AKAP9: variants seen among roughly 807,000 people sequenced by gnomAD.
The protein encoded by AKAP9 is A-kinase anchoring protein 9.
A neutral mutation model predicts 488.5 loss-of-function variants in AKAP9; 311 were observed. The ratio of observed to expected loss-of-function variants is 0.64; its 90% CI spans 0.58 to 0.70. AKAP9 has a LOEUF of 0.70. AKAP9 is among the 30% of genes least tolerant of loss of function. The pLI is 0.00. For synonymous variants in AKAP9, 1,462 were observed against 1,483.5 expected (o/e 0.99, Z 0.33); for missense variants, 4,215 against 4,374.5 (o/e 0.96, Z 1.03).
chr7:92,098,629 T>C (rs1214634255), intron 43 of AKAP9, among the ~76,000 whole-genome samples: 1 of 152,214 alleles, frequency 6.6e-6, no homozygotes, highest in African/African-American at 2.4e-5. Context: ...TAAAACCCTC[T>C]CTTTCCTTGC....
At chr7:91,991,608 A>G (rs1183607455) in intron 3 of AKAP9, among the ~76,000 whole-genome samples, 1 of 151,676 alleles carries the variant, frequency 6.6e-6, no homozygotes. Flanking sequence ...AGTAGCTGGG[A>G]CTACAGGCAC....
At chr7:91,947,879 A>G (rs1791664798) in intron 1 of AKAP9, among the ~76,000 whole-genome samples, 2 of 152,344 alleles carry the variant, frequency 1.3e-5, no homozygotes, top group Middle Eastern at 3.4e-3. Flanking sequence ...ATCTTATGCA[A>G]CTACTGCTTC....
At chr7:92,010,296 T>G (rs1261554110) in intron 8 of AKAP9, among the ~76,000 whole-genome samples, 1 of 152,234 alleles carries the variant, frequency 6.6e-6, no homozygotes, top group African/African-American at 2.4e-5. Flanking sequence ...TCTAAAGAGC[T>G]TGTTTACTCA....
At chr7:91,950,298 C>T (rs543102756) in intron 1 of AKAP9, among the ~76,000 whole-genome samples, 4 of 147,602 alleles carry the variant, frequency 2.7e-5, no homozygotes, top group African/African-American at 7.5e-5. Context: ...GGCACTATCT[C>T]GGCTCAGTGC....
At chr7:92,033,442 C>CTTTTTTTTTTTT (rs35497475) in intron 16 of AKAP9, among the ~76,000 whole-genome samples, 8 of 107,374 alleles carry the variant, frequency 7.5e-5, no homozygotes, top group African/African-American at 1.1e-4. Flanking sequence ...CTTTTCTTTT[C>CTTTTTTTTTTTT]TTTTTTTTTT....
chr7:92,072,099 C>G (rs1431038423), intron 28 of AKAP9, among the ~76,000 whole-genome samples: 1 of 152,116 alleles, frequency 6.6e-6, no homozygotes, highest in East Asian at 1.9e-4. Context: ...AAAGACAGAC[C>G]TTCTCAACTG....
At position 92,026,093 on chromosome 7, in the gene AKAP9, A is replaced by G. The variant is rs376683244; in HGVS notation, c.4148+3084A>G. 2.6e-5 allele frequency among the ~76,000 whole-genome samples: 4 copies of G among 152,360 alleles called. 1 individual carries two copies. Reference sequence around the variant, plus strand: ...ATGGAAGGAATGTTGGAAACAAAGCAGAGGGGAAAAAACAAAGATAACTCT... The same window carrying G: ...ATGGAAGGAATGTTGGAAACAAAGCGGAGGGGAAAAAACAAAGATAACTCT... On this transcript the variant is annotated intron_variant, in intron 14 of 49. Transcript: ENST00000356239.
intron 1 of AKAP9, among the ~76,000 whole-genome samples, chr7:91,968,277 A>G (rs1794658600): frequency 2.0e-5 from 3 of 151,968 alleles, no homozygotes. Flanking sequence ...CTTTGATTTC[A>G]TTGTTGGTTT....
At chr7:91,946,090 A>G (rs1791420312) in intron 1 of AKAP9, among the ~76,000 whole-genome samples, 1 of 152,236 alleles carries the variant, frequency 6.6e-6, no homozygotes, top group South Asian at 2.1e-4. Flanking sequence ...TGTACAAAAA[A>G]AAGGATGGTG....
chr7:92,061,186 C>G, intron 22 of AKAP9, 74 bp from the exon 23 acceptor site: 1 of 1,543,500 alleles, frequency 6.5e-7, no homozygotes, highest in South Asian at 1.1e-5. Flanking sequence ...TCCTTTTTTC[C>G]AGCTTTAATA....
rs377051901 is a variant in AKAP9 at position 92,082,690 on chromosome 7, C to T, written c.8160+28C>T. Reference sequence around the variant, plus strand: ...AAGATAAGTAACATAGCTCCTAATTCACTCATTTCTACCTATCTTAATTAC... The same window carrying T: ...AAGATAAGTAACATAGCTCCTAATTTACTCATTTCTACCTATCTTAATTAC... On this transcript the variant is annotated intron_variant, in intron 32 of 49. Transcript: ENST00000356239. The T allele has an allele frequency of 1.5e-5, 24 of 1,611,554 alleles. No individual in the cohort carries two copies. The African/African-American group carries it at 2.9e-4, about 20-fold the overall frequency.
At chr7:92,021,564 A>C (rs1405587784) in intron 12 of AKAP9, among the ~76,000 whole-genome samples, 1 of 151,878 alleles carries the variant, frequency 6.6e-6, no homozygotes, top group Non-Finnish European at 1.5e-5. Context: ...TCAGCCCCTC[A>C]AGTAACTGGG....
chr7:91,984,706 A>G (rs536146697), intron 3 of AKAP9, among the ~76,000 whole-genome samples: 4 of 152,310 alleles, frequency 2.6e-5, no homozygotes, highest in African/African-American at 9.6e-5. Context: ...CATTCGATCT[A>G]TAAATTACCT....
chr7:92,079,521 C>G lies in AKAP9; in HGVS notation c.7388C>G (p.Pro2463Arg). 1 of 1,613,834 alleles carries G rather than the reference C, an allele frequency of 6.2e-7. No homozygotes were observed. Among genetic ancestry groups the G allele is most frequent in the Non-Finnish European group, 8.5e-7 (1 of 1,179,988 alleles). Reference sequence around the variant, plus strand: ...ATAGATCATCTGAGCAAAGACAAACCTGAACTAGAAGTAGTCCTTACAGAG... The same window carrying G: ...ATAGATCATCTGAGCAAAGACAAACGTGAACTAGAAGTAGTCCTTACAGAG... Reference protein sequence around the residue: ...VAIDHLSKDKPELEVVLTEDA... With the variant: ...VAIDHLSKDKRELEVVLTEDA... Residue 2463 changes from proline to arginine, a missense_variant, in exon 31 of 50, where the codon CCT (proline) becomes CGT (arginine). Pro to Arg is a moderately radical substitution (Grantham distance 103). Transcript: ENST00000356239.
Position 92,080,152 on chromosome 7 carries a change from GGTTA to G in AKAP9, c.8019+4_8019+7del, listed in dbSNP as rs770488587. 1.9e-6 allele frequency: 3 copies of G among 1,570,164 alleles called. No homozygotes were observed. The South Asian group carries it at 3.4e-5, about 18-fold the overall frequency. ...GCCCTCAAGATGTTGAAGTTCTCAA[GGTTA>G]GTTTTGTATTTTATTAGTTTCATTT... On this transcript the variant is annotated splice_donor_variant and splice_donor_region_variant and intron_variant, in intron 31 of 49. Coordinates refer to ENST00000356239, the MANE Select transcript of AKAP9 (RefSeq NM_005751.5). LOFTEE classifies it high-confidence loss of function.
intron 22 of AKAP9, among the ~76,000 whole-genome samples, chr7:92,053,660 C>G (rs953574424): frequency 1.1e-4 from 17 of 152,168 alleles, no homozygotes; most frequent in African/African-American, 3.9e-4. Context: ...TAACTCCACG[C>G]TGTGTTATTT....
At chr7:92,086,583 A>G (rs185487040) in intron 37 of AKAP9, among the ~76,000 whole-genome samples, 167 bp downstream of exon 37, 17 of 152,356 alleles carry the variant, frequency 1.1e-4, no homozygotes, top group African/African-American at 4.1e-4. Flanking sequence ...GAAGGTAAGA[A>G]AGACTGAAAG....
chr7:92,062,487 G>C lies in AKAP9; in HGVS notation c.5977+1G>C. ...GCAGAGGCAGGCCCAGTTGAACAAC[G>C]TAAGTATTTTCAGAATTTGTATGAA... On this transcript the variant is annotated splice_donor_variant, in intron 24 of 49. Transcript: ENST00000356239. LOFTEE classifies it high-confidence loss of function. 1.9e-6 allele frequency: 3 copies of C among 1,611,844 alleles called. No homozygotes were observed. Among genetic ancestry groups the C allele is most frequent in the East Asian group, 2.2e-5 (1 of 44,838 alleles).
In AKAP9 at chr7:92,045,157, G is replaced by A. The variant is rs1226611654; in HGVS notation, c.5312G>A (p.Trp1771Ter). ...SKSQSSASLI[W>*]RSEAEASVKS... Reference sequence around the variant, plus strand: ...AGCCAGTCATCTGCCAGCCTAATTTGGAGGTCAGAAGCAGAGGCATCTGTA... The same window carrying A: ...AGCCAGTCATCTGCCAGCCTAATTTAGAGGTCAGAAGCAGAGGCATCTGTA... The change falls in exon 21 of 50, where the codon TGG (tryptophan) becomes TAG (stop). Residue 1771 changes from tryptophan to a stop codon, truncating the protein, a stop_gained. Coordinates refer to ENST00000356239, the MANE Select transcript of AKAP9 (RefSeq NM_005751.5). LOFTEE classifies it high-confidence loss of function. 1 of 1,613,694 alleles carries A rather than the reference G, an allele frequency of 6.2e-7. No individual in the cohort carries two copies. The highest frequency in any genetic ancestry group is 1.1e-5 in the South Asian group (1 of 91,064).
Sources: gnomAD v4.1 joint callset for allele counts (sites outside exome capture counted in the v4.1 genomes callset) on GRCh38, gnomAD v4.1.1 for gene constraint, MANE v1.5 for transcripts, NCBI Gene and HGNC (gene_info 2026-07-23, HGNC 2026-07-21) for gene names.